ADGRL3: variants seen among roughly 807,000 people sequenced by gnomAD.
The protein encoded by ADGRL3 is adhesion G protein-coupled receptor L3.
Under a neutral mutation model 153.5 loss-of-function variants are expected in ADGRL3, and 62 were observed. That is an observed-to-expected ratio of 0.40 (90% CI 0.33 to 0.50). ADGRL3 has a LOEUF of 0.50. Among genes scored for constraint, ADGRL3 ranks in the 20% least tolerant of loss-of-function variants. The pLI is 0.47. For missense variants in ADGRL3, 1,641 were observed against 1,859.4 expected, an observed-to-expected ratio of 0.88 and a Z score of 2.16; for synonymous variants, 710 against 672.5, an observed-to-expected ratio of 1.06 and a Z score of -0.86.
chr4:61,404,710 A>G (rs2096971964), intron 2 of ADGRL3, among the ~76,000 whole-genome samples: 1 of 152,106 alleles, frequency 6.6e-6, no homozygotes, highest in Non-Finnish European at 1.5e-5. Flanking sequence ...GTCTAAATCA[A>G]TACCATGTTC....
chr4:61,507,175 C>T (rs1439872684), intron 3 of ADGRL3, among the ~76,000 whole-genome samples: 1 of 152,130 alleles, frequency 6.6e-6, no homozygotes, highest in Admixed American at 6.6e-5. Context: ...TGAAACCATG[C>T]AGACCTTCAG....
chr4:61,307,243 G>GA (rs1192199219), intron 1 of ADGRL3, among the ~76,000 whole-genome samples: 17 of 152,066 alleles, frequency 1.1e-4, no homozygotes, highest in African/African-American at 4.1e-4. Context: ...ATATAATAAT[G>GA]AAAAATGGTT....
chr4:61,450,670 T>A (rs1400324614), intron 2 of ADGRL3, among the ~76,000 whole-genome samples: 1 of 152,154 alleles, frequency 6.6e-6, no homozygotes, highest in East Asian at 1.9e-4. Flanking sequence ...CATGGATTAA[T>A]GAAAAACACA....
intron 2 of ADGRL3, among the ~76,000 whole-genome samples, chr4:61,438,738 C>T (rs1255937969): frequency 1.4e-5 from 2 of 144,494 alleles, no homozygotes; most frequent in Non-Finnish European, 3.0e-5. Context: ...GACGGAGTCT[C>T]GCTCTGTCGC....
At chr4:61,231,672 C>CT (rs1750712693) in intron 1 of ADGRL3, among the ~76,000 whole-genome samples, 1 of 152,000 alleles carries the variant, frequency 6.6e-6, no homozygotes, top group Admixed American at 6.6e-5. Context: ...CTTCTCAGGG[C>CT]TTTTTGTAAC....
At position 61,912,866 on chromosome 4, in the gene ADGRL3, A is replaced by G. The variant is rs543636466; in HGVS notation, c.2112+109A>G. The G allele has an allele frequency of 2.1e-4, 212 of 1,022,434 alleles. 4 individuals are homozygous for G. In the South Asian group the frequency reaches 2.8e-3, roughly 14 times the overall value. 63.3% of individuals were successfully genotyped at this position (1,022,434 alleles called of 1,614,324 possible). The stretch of plus-strand genomic sequence containing the variant: ...ATAATGTACCTTACTGAAATAAAGG[A>G]ATTTCATGGAGGGGGAGAAGGGTGG... On this transcript the variant is annotated intron_variant, in intron 13 of 26. Transcript: ENST00000683033.
chr4:62,029,893 A>G (rs531658371), intron 22 of ADGRL3, among the ~76,000 whole-genome samples: 1 of 151,428 alleles, frequency 6.6e-6, no homozygotes, highest in Non-Finnish European at 1.5e-5. Flanking sequence ...TCCAACGTCC[A>G]TAAGAAGCTG....
chr4:61,267,000 A>G (rs1231960067), intron 1 of ADGRL3, among the ~76,000 whole-genome samples: 4 of 151,670 alleles, frequency 2.6e-5, no homozygotes, highest in African/African-American at 7.3e-5. Context: ...TTAGTATTAG[A>G]CTTTGTCAAA....
At chr4:61,502,512 TG>T (rs2098398320) in intron 3 of ADGRL3, among the ~76,000 whole-genome samples, 2 of 151,908 alleles carry the variant, frequency 1.3e-5, no homozygotes, top group Non-Finnish European at 2.9e-5. Flanking sequence ...GCAATTCTAT[TG>T]TTAAAGTTGC....
chr4:61,445,012 A>C (rs2097566757), intron 2 of ADGRL3, among the ~76,000 whole-genome samples: 1 of 151,720 alleles, frequency 6.6e-6, no homozygotes, highest in African/African-American at 2.4e-5. Context: ...TGATCATGTC[A>C]CTGCACTCCA....
chr4:61,755,448 C>G (rs889045621), intron 8 of ADGRL3, among the ~76,000 whole-genome samples: 5 of 152,154 alleles, frequency 3.3e-5, no homozygotes, highest in African/African-American at 1.2e-4. Flanking sequence ...TATCCTTCGC[C>G]CACTTTTTGA....
At position 61,964,553 on chromosome 4, in the gene ADGRL3, A is replaced by G. The variant is rs371252820; in HGVS notation, c.2806-15010A>G. On this transcript the variant is annotated intron_variant, in intron 17 of 26. Coordinates refer to ENST00000683033, the MANE Select transcript of ADGRL3 (RefSeq NM_001387552.1). ...TTGTCTAATAATAGCTTTGTGGCAA[A>G]ATATAACTACATATAACTTCCCAAC... Among the ~76,000 whole-genome samples the G allele has an allele frequency of 1.2e-3, 180 of 152,236 alleles. 1 individual carries two copies. The highest frequency in any genetic ancestry group is 4.2e-3 in the African/African-American group (174 of 41,570).
At chr4:61,271,164 G>T (rs1273035457) in intron 1 of ADGRL3, among the ~76,000 whole-genome samples, 1 of 151,808 alleles carries the variant, frequency 6.6e-6, no homozygotes, top group Non-Finnish European at 1.5e-5. Context: ...GACTTCCGGG[G>T]CCAGGGAGGA....
rs1722034018 is a variant in ADGRL3, at chr4:62,031,524, A to G, written c.3505A>G (p.Thr1169Ala). 3 of 1,610,736 alleles carry G rather than the reference A, an allele frequency of 1.9e-6. No homozygotes were observed. The highest frequency in any genetic ancestry group is 8.5e-7 in the Non-Finnish European group (1 of 1,177,512). ...AFGLMYINES[T>A]VIMAYLFTIF... ...TGGACTCATGTATATTAATGAAAGC[A>G]CAGTCATCATGGCCTATCTCTTCAC... Residue 1169 changes from threonine to alanine, a missense_variant, in exon 23 of 27, where the codon ACA (threonine) becomes GCA (alanine). This residue lies in a region of ADGRL3 where 517 missense variants were observed against 555.0 expected (regional missense o/e 0.93). Transcript: ENST00000683033.
At chr4:61,952,888 C>CAACAG (rs2098952739) in intron 17 of ADGRL3, among the ~76,000 whole-genome samples, 1 of 152,188 alleles carries the variant, frequency 6.6e-6, no homozygotes, top group African/African-American at 2.4e-5. Context: ...ACAGTCATGA[C>CAACAG]TGTGACCACT....
At chr4:61,981,655 G>A (rs780955326) in intron 18 of ADGRL3, among the ~76,000 whole-genome samples, 23 of 151,646 alleles carry the variant, frequency 1.5e-4, no homozygotes, top group Admixed American at 2.6e-4. Context: ...ATTTTTGTGA[G>A]CCAGTTTCAG....
At chr4:61,303,801 T>G (rs556841663) in intron 1 of ADGRL3, among the ~76,000 whole-genome samples, 32 of 152,300 alleles carry the variant, frequency 2.1e-4, no homozygotes, top group African/African-American at 7.5e-4. Context: ...TTTGATTACT[T>G]CATTCTATTT....
chr4:61,206,838 C>T (rs189025556), intron 1 of ADGRL3, among the ~76,000 whole-genome samples: 20 of 151,840 alleles, frequency 1.3e-4, no homozygotes, highest in African/African-American at 2.4e-4. Flanking sequence ...AAAAATTAGC[C>T]GGGCATGGTG....
chr4:61,838,422 G>A (rs1354865034), intron 9 of ADGRL3, among the ~76,000 whole-genome samples: 2 of 152,158 alleles, frequency 1.3e-5, no homozygotes, highest in South Asian at 2.1e-4. Context: ...TGGTAGTTAA[G>A]CATTTGCCTT....
Sources: allele counts gnomAD v4.1 joint callset (sites outside exome capture counted in the v4.1 genomes callset), GRCh38; gene constraint gnomAD v4.1.1; regional missense constraint gnomAD v4.1.1; transcripts MANE v1.5; gene names NCBI Gene and HGNC (gene_info 2026-07-23, HGNC 2026-07-21).